The following PIK3CD variants were observed in gnomAD, a reference collection of about 807,000 sequenced individuals.
PIK3CD encodes phosphatidylinositol-4,5-bisphosphate 3-kinase catalytic subunit delta.
A neutral mutation model predicts 122.9 loss-of-function variants in PIK3CD; 20 were observed. That is an observed-to-expected ratio of 0.16 (90% confidence interval 0.11 to 0.24). The LOEUF is 0.24. Among genes scored for constraint, PIK3CD ranks in the 10% least tolerant of loss-of-function variants. The pLI is 1.00. For synonymous variants in PIK3CD, 596 were observed against 593.4 expected (o/e 1.00, Z -0.06); for missense variants, 787 against 1,406.3 (o/e 0.56, Z 7.04).
At position 9,718,951 on chromosome 1, in the gene PIK3CD, C is replaced by G. The variant is rs1361030653; in HGVS notation, c.1242+36C>G. 6.3e-7 allele frequency: 1 copy of G among 1,590,346 alleles called. No homozygotes were observed. Among genetic ancestry groups the G allele is most frequent in the East Asian group, 2.2e-5 (1 of 44,602 alleles). On this transcript the variant is annotated intron_variant, in intron 9 of 23. Coordinates refer to ENST00000377346, the MANE Select transcript of PIK3CD (RefSeq NM_005026.5). This position sits in a 1 kb window ranked among gnomAD's most constrained non-coding sequence, Gnocchi z 7.2. ...GGGCCGGCTGGGAGGGGTGCAGACC[C>G]CGGAGAGCCAGTACAGCCCCTTGCT... is the stretch of plus-strand genomic sequence containing the variant.
rs1233813630 is a variant in PIK3CD at position 9,721,761 on chromosome 1, C to T, written c.1956C>T (p.Arg652=). The T allele has an allele frequency of 6.2e-7, 1 of 1,613,040 alleles. No homozygotes were observed. Among genetic ancestry groups the T allele is most frequent in the East Asian group, 2.2e-5 (1 of 44,890 alleles). Residue 652 remains arginine (R), a splice_region_variant and synonymous_variant, in exon 16 of 24, where the codon CGC becomes CGT. Coordinates refer to ENST00000377346, the MANE Select transcript of PIK3CD (RefSeq NM_005026.5). The part of the protein sequence containing the change: ...KIGHFLFWHL[R]SEMHVPSVAL... ...GCTCAGCCCTCCCTTCACCTTCCAGCTCCGAGATGCACGTGCCGTCGGTGG... is the reference window on the plus strand; with the variant it reads ...GCTCAGCCCTCCCTTCACCTTCCAGTTCCGAGATGCACGTGCCGTCGGTGG...
chr1:9,644,209 G>C, the PIK3CD span, among the ~76,000 whole-genome samples: 1 of 152,144 alleles, frequency 6.6e-6, no homozygotes, highest in East Asian at 1.9e-4. Flanking sequence ...TGCAGGAGAG[G>C]GTTACAGGAA....
chr1:9,643,123 G>A, the PIK3CD span, among the ~76,000 whole-genome samples: 1 of 126,550 alleles, frequency 7.9e-6, no homozygotes, highest in South Asian at 2.6e-4. Context: ...GAGAAAGAAG[G>A]AAAGGCCAGG....
At chr1:9,697,980 G>A (rs140188093) in intron 2 of PIK3CD, among the ~76,000 whole-genome samples, 3,663 of 151,982 alleles carry the variant, frequency 0.024, 69 homozygotes, top group Non-Finnish European at 0.039. Flanking sequence ...GCAGTGAGCC[G>A]AGATTGCACC....
chr1:9,645,298 C>T, the PIK3CD span, among the ~76,000 whole-genome samples: 5 of 151,978 alleles, frequency 3.3e-5, no homozygotes, highest in East Asian at 1.9e-4. Flanking sequence ...GGATTAGAGG[C>T]GTGAGCCACC....
At position 9,720,663 on chromosome 1, in the gene PIK3CD, T is replaced by TGAGTGGGGTGGGG. The variant is rs1244564081; in HGVS notation, c.1521+4_1521+16dup. 2 of 990,490 alleles carry TGAGTGGGGTGGGG rather than the reference T, an allele frequency of 2.0e-6. No individual in the cohort carries two copies. The allele number at this position is 990,490 out of a possible 1,614,324, so 61.4% of individuals were successfully genotyped here. A position where few individuals can be genotyped will look rare whatever the true frequency, so the allele number is the denominator to read the frequency against. ...TGTGTGCATGTCACCGAGGAGGAGGTGAGTGGGGTGGGGGTGTGGGGTGGG... is the reference window on the plus strand; with the variant it reads ...TGTGTGCATGTCACCGAGGAGGAGGTGAGTGGGGTGGGGGAGTGGGGTGGGGGTGTGGGGTGGG... On this transcript the variant is annotated splice_region_variant and intron_variant, in intron 12 of 23. Coordinates refer to ENST00000377346, the MANE Select transcript of PIK3CD (RefSeq NM_005026.5). The surrounding 1 kb of genome is among the most constrained non-coding windows in gnomAD (Gnocchi z 9.0).
chr1:9,668,560 G>T (rs1178312771), intron 1 of PIK3CD, among the ~76,000 whole-genome samples: 1 of 151,304 alleles, frequency 6.6e-6, no homozygotes, highest in Admixed American at 6.6e-5. Context: ...CTGAGATTCT[G>T]ATGCACCCGT....
chr1:9,672,290 T>C (rs1185577602), intron 1 of PIK3CD: 1 of 152,204 alleles, frequency 6.6e-6, no homozygotes, highest in Non-Finnish European at 1.5e-5. Context: ...AAATGGGTGC[T>C]CTGGGAAGAT....
chr1:9,692,463 A>G (rs1232832269), intron 2 of PIK3CD, among the ~76,000 whole-genome samples: 1 of 152,196 alleles, frequency 6.6e-6, no homozygotes, highest in Non-Finnish European at 1.5e-5. Context: ...GCCGTGGCTC[A>G]TGCCTGTAAT....
intron 23 of PIK3CD, among the ~76,000 whole-genome samples, chr1:9,726,188 G>A (rs1474624918): frequency 3.3e-5 from 5 of 151,948 alleles, no homozygotes; most frequent in East Asian, 3.9e-4. Flanking sequence ...ACTCCAGCTC[G>A]GGTGACAGAG....
chr1:9,648,516 G>A (rs547793900), upstream of PIK3CD, among the ~76,000 whole-genome samples: 12 of 152,290 alleles, frequency 7.9e-5, no homozygotes, highest in East Asian at 9.7e-4. Flanking sequence ...AGGACGGGCC[G>A]CTCCCTCAGG....
At chr1:9,679,784 G>A (rs116175489) in intron 1 of PIK3CD, among the ~76,000 whole-genome samples, 239 of 152,262 alleles carry the variant, frequency 1.6e-3, no homozygotes, top group Non-Finnish European at 3.0e-3. Flanking sequence ...TTCATTTAAT[G>A]TGCACAATGC....
At position 9,723,335 on chromosome 1, in the gene PIK3CD, A is replaced by G. The variant is rs1557674560; in HGVS notation, c.2594+43A>G. ...GGATAGGTTCCCTCTCCTTTCCAAG[A>G]GGTGTGGAGTGGGAGGGCCTCGCCT... On this transcript the variant is annotated intron_variant, in intron 20 of 23. Transcript: ENST00000377346. This position sits in a 1 kb window ranked among gnomAD's most constrained non-coding sequence, Gnocchi z 4.9. 11 of 1,603,740 alleles carry G rather than the reference A, an allele frequency of 6.9e-6. No individual in the cohort carries two copies. The highest frequency in any genetic ancestry group is 9.4e-6 in the Non-Finnish European group (11 of 1,171,150).
Position 9,727,137 on chromosome 1 carries a change from T to G in PIK3CD, c.*91T>G. 6.9e-7 allele frequency: 1 copy of G among 1,450,560 alleles called. No individual in the cohort carries two copies. Among genetic ancestry groups the G allele is most frequent in the Non-Finnish European group, 9.6e-7 (1 of 1,038,722 alleles). 89.9% of individuals were successfully genotyped at this position (1,450,560 alleles called of 1,614,324 possible). On this transcript the variant is annotated 3_prime_UTR_variant, in exon 24 of 24. Transcript: ENST00000377346. ...CCTAAAGGGGCTGAAGAGCCTGAAC[T>G]GCACCTAACGGGAAAGAACCGACAT...
In PIK3CD at chr1:9,722,476, C is replaced by T. The variant is rs190054314; in HGVS notation, c.2348-52C>T. 38 of 1,560,904 alleles carry T rather than the reference C, an allele frequency of 2.4e-5. No homozygotes were observed. In the African/African-American group the frequency reaches 4.7e-4, roughly 19 times the overall value. ...TTAAGGGCTTGGGTGTAGCTGGAAGCAGAGAACCTACCAGAAACTCACGCT... is the reference window on the plus strand; with the variant it reads ...TTAAGGGCTTGGGTGTAGCTGGAAGTAGAGAACCTACCAGAAACTCACGCT... On this transcript the variant is annotated intron_variant, in intron 18 of 23. Transcript: ENST00000377346. The surrounding 1 kb of genome is among the most constrained non-coding windows in gnomAD (Gnocchi z 7.6).
In PIK3CD at chr1:9,711,037, G is replaced by A. The variant is rs889360105; in HGVS notation, c.141+441G>A. Among the ~76,000 whole-genome samples the A allele has an allele frequency of 3.3e-5, 5 of 152,050 alleles. No homozygotes were observed. In the East Asian group the frequency reaches 7.7e-4, roughly 23 times the overall value. ...CGACCTCAGGTGATCCACCTGCCTC[G>A]GCCTCCCAAAGTGCTGAGATTCCAG... On this transcript the variant is annotated intron_variant, in intron 3 of 23. Transcript: ENST00000377346.
chr1:9,704,621 T>C lies in PIK3CD; in HGVS notation c.-32-5803T>C, dbSNP rs907817441. Among the ~76,000 whole-genome samples, 1 of 152,242 alleles carries C rather than the reference T, an allele frequency of 6.6e-6. No homozygotes were observed. Among genetic ancestry groups the C allele is most frequent in the Non-Finnish European group, 1.5e-5 (1 of 68,036 alleles). On this transcript the variant is annotated intron_variant, in intron 2 of 23. Coordinates refer to ENST00000377346, the MANE Select transcript of PIK3CD (RefSeq NM_005026.5). This position sits in a 1 kb window ranked among gnomAD's most constrained non-coding sequence, Gnocchi z 5.0. Reference sequence around the variant, plus strand: ...TCCACTTCCCTGGCTCAAGCAATCCTCCAGCCTCAGCCTCCCAAGTAGCCG... The same window carrying C: ...TCCACTTCCCTGGCTCAAGCAATCCCCCAGCCTCAGCCTCCCAAGTAGCCG...
At chr1:9,670,150 CAAA>C (rs375500599) in intron 1 of PIK3CD, among the ~76,000 whole-genome samples, 34 of 60,302 alleles carry the variant, frequency 5.6e-4, no homozygotes, top group African/African-American at 1.3e-3. Context: ...AATTCCACCT[CAAA>C]AAAAAAAAAA....
Position 9,716,939 on chromosome 1 carries a change from C to T in PIK3CD, c.781-20C>T, listed in dbSNP as rs747111222. 6.2e-6 allele frequency: 10 copies of T among 1,613,472 alleles called. No homozygotes were observed. The Admixed American group carries it at 1.7e-4, about 27-fold the overall frequency. On this transcript the variant is annotated intron_variant, in intron 6 of 23. Transcript: ENST00000377346. ...GGTTGGGGCCGCCCCACCAGCCGCT[C>T]ACCCTGCACCCCGTCTCAGTACATC...
Sources: allele counts gnomAD v4.1 joint callset (sites outside exome capture counted in the v4.1 genomes callset), GRCh38; gene constraint gnomAD v4.1.1; non-coding constraint Gnocchi (gnomAD v3.1); transcripts MANE v1.5; gene names NCBI Gene and HGNC (gene_info 2026-07-23, HGNC 2026-07-21).